SEZ6L: variants seen among roughly 807,000 people sequenced by gnomAD.
The protein encoded by SEZ6L is seizure related 6 homolog like.
In SEZ6L, 37 loss-of-function variants were observed where a neutral mutation model predicts 106.2. The ratio of observed to expected loss-of-function variants is 0.35; its 90% confidence interval spans 0.27 to 0.46. SEZ6L has a LOEUF of 0.46. Among genes scored for constraint, SEZ6L ranks in the 20% least tolerant of loss-of-function variants. The pLI is 1.00. For synonymous variants in SEZ6L, 541 were observed against 570.4 expected, an observed-to-expected ratio of 0.95 and a Z score of 0.73; for missense variants, 1,172 against 1,332.8, an observed-to-expected ratio of 0.88 and a Z score of 1.88.
intron 1 of SEZ6L, among the ~76,000 whole-genome samples, chr22:26,281,673 T>C (rs1601367926): frequency 6.6e-6 from 1 of 152,186 alleles, no homozygotes; most frequent in Non-Finnish European, 1.5e-5. Context: ...CCACCGCACC[T>C]GGCCTTCTTT....
intron 1 of SEZ6L, among the ~76,000 whole-genome samples, chr22:26,272,975 G>A (rs1485674487): frequency 1.3e-5 from 2 of 152,128 alleles, no homozygotes; most frequent in Admixed American, 1.3e-4. Context: ...GTAGTTCTGA[G>A]GATTAAATGA....
intron 6 of SEZ6L, among the ~76,000 whole-genome samples, chr22:26,306,806 G>A (rs147618354): frequency 2.1e-3 from 313 of 152,234 alleles, no homozygotes; most frequent in Non-Finnish European, 3.2e-3. Flanking sequence ...ATATTCTGGC[G>A]TCTTATTCTA....
At chr22:26,289,018 GTCATT>G (rs1312308535) in intron 1 of SEZ6L, among the ~76,000 whole-genome samples, 1 of 152,176 alleles carries the variant, frequency 6.6e-6, no homozygotes, top group Non-Finnish European at 1.5e-5. Flanking sequence ...CAATTCCCTG[GTCATT>G]TCAAAAACCC....
At chr22:26,328,185 C>T (rs2082378438) in intron 9 of SEZ6L, among the ~76,000 whole-genome samples, 1 of 152,162 alleles carries the variant, frequency 6.6e-6, no homozygotes, top group Non-Finnish European at 1.5e-5. Flanking sequence ...GTTGGGAAGC[C>T]TCTTGTCCAG....
chr22:26,307,648 T>A (rs1341968885), intron 6 of SEZ6L, among the ~76,000 whole-genome samples: 1 of 152,004 alleles, frequency 6.6e-6, no homozygotes, highest in Non-Finnish European at 1.5e-5. Flanking sequence ...ACCAGAATAA[T>A]AACCTGGGGA....
intron 13 of SEZ6L, among the ~76,000 whole-genome samples, chr22:26,367,928 T>C (rs941382440): frequency 6.6e-6 from 1 of 152,204 alleles, no homozygotes; most frequent in African/African-American, 2.4e-5. Context: ...TTAGAATCCA[T>C]TGAACACTCA....
chr22:26,277,105 CT>C (rs137189), intron 1 of SEZ6L, among the ~76,000 whole-genome samples: 9,496 of 143,148 alleles, frequency 0.066, 872 homozygotes, highest in African/African-American at 0.22. Flanking sequence ...AACACTGAGT[CT>C]TTTTTTTTTT....
chr22:26,294,673 T>C (rs1045425203), intron 3 of SEZ6L, among the ~76,000 whole-genome samples: 3 of 151,792 alleles, frequency 2.0e-5, no homozygotes, highest in Non-Finnish European at 4.4e-5. Context: ...AATCCCTTGA[T>C]ACTCTGCTTA....
intron 1 of SEZ6L, among the ~76,000 whole-genome samples, chr22:26,213,801 G>C (rs2078226596): frequency 6.6e-6 from 1 of 152,210 alleles, no homozygotes; most frequent in East Asian, 1.9e-4. Flanking sequence ...TGCACCTGTA[G>C]TCTCACCTAC....
At chr22:26,215,682 A>G (rs2078279271) in intron 1 of SEZ6L, among the ~76,000 whole-genome samples, 1 of 152,210 alleles carries the variant, frequency 6.6e-6, no homozygotes, top group African/African-American at 2.4e-5. Flanking sequence ...GAATGAAAAG[A>G]ATTCCCCAGG....
chr22:26,222,358 T>C (rs746713357), intron 1 of SEZ6L, among the ~76,000 whole-genome samples: 11 of 152,210 alleles, frequency 7.2e-5, no homozygotes, highest in Non-Finnish European at 1.5e-4. Context: ...AAGGTCACAC[T>C]GCAAGGCAGT....
chr22:26,320,406 C>T (rs1490626796), intron 9 of SEZ6L, among the ~76,000 whole-genome samples: 1 of 152,208 alleles, frequency 6.6e-6, no homozygotes, highest in African/African-American at 2.4e-5. Context: ...TCACGACTTG[C>T]GTTAGGACAA....
At chr22:26,263,664 T>C (rs1357004332) in intron 1 of SEZ6L, among the ~76,000 whole-genome samples, 5 of 152,218 alleles carry the variant, frequency 3.3e-5, no homozygotes, top group African/African-American at 1.2e-4. Flanking sequence ...GTTTCCCTTT[T>C]ATGCAGTGGC....
In SEZ6L at chr22:26,294,432, C is replaced by A; in HGVS notation, c.969+7C>A. 1 of 1,613,362 alleles carries A rather than the reference C, an allele frequency of 6.2e-7. No homozygotes were observed. Among genetic ancestry groups the A allele is most frequent in the African/African-American group, 1.3e-5 (1 of 75,006 alleles). On this transcript the variant is annotated splice_region_variant and intron_variant, in intron 3 of 16. Transcript: ENST00000248933. Reference sequence around the variant, plus strand: ...CTATGGGGTGGAGCTCCAGGTAACCCCAGGAGAGTACCTCACAGAGGCTGC... The same window carrying A: ...CTATGGGGTGGAGCTCCAGGTAACCACAGGAGAGTACCTCACAGAGGCTGC...
chr22:26,237,080 G>T (rs944415118), intron 1 of SEZ6L, among the ~76,000 whole-genome samples: 12 of 152,174 alleles, frequency 7.9e-5, no homozygotes, highest in Non-Finnish European at 8.8e-5. Flanking sequence ...ACAGGGATAG[G>T]TTCAAATCCA....
At chr22:26,363,678 G>GA (rs2083711068) in intron 12 of SEZ6L, among the ~76,000 whole-genome samples, 1 of 152,200 alleles carries the variant, frequency 6.6e-6, no homozygotes, top group Non-Finnish European at 1.5e-5. Flanking sequence ...GACAGTTTCT[G>GA]TGGGTCAGAA....
intron 13 of SEZ6L, 73 bp from the exon 14 acceptor site, chr22:26,373,378 T>G: frequency 7.4e-7 from 1 of 1,355,652 alleles, no homozygotes. Context: ...TGCATCAAAT[T>G]TTTTGGCCTC....
chr22:26,321,191 G>A (rs914601085), intron 9 of SEZ6L, among the ~76,000 whole-genome samples: 3 of 152,204 alleles, frequency 2.0e-5, no homozygotes, highest in Admixed American at 6.5e-5. Flanking sequence ...CATGCCTTGG[G>A]TTCTGTTATT....
At chr22:26,379,688 A>G (rs16981987) in intron 16 of SEZ6L, among the ~76,000 whole-genome samples, 8,246 of 152,294 alleles carry the variant, frequency 0.054, 408 homozygotes, top group African/African-American at 0.13. Context: ...AGATCAGGGC[A>G]TATGTTATTT....
Sources: allele counts gnomAD v4.1 joint callset (sites outside exome capture counted in the v4.1 genomes callset), GRCh38; gene constraint gnomAD v4.1.1; transcripts MANE v1.5; gene names NCBI Gene and HGNC (gene_info 2026-07-23, HGNC 2026-07-21).